The following CASZ1 variants were observed in gnomAD, a reference collection of about 807,000 sequenced individuals.
The protein encoded by CASZ1 is castor zinc finger 1.
In CASZ1, 28 loss-of-function variants were observed where a neutral mutation model predicts 135.2. That is an observed-to-expected ratio of 0.21 (90% CI 0.15 to 0.28). The LOEUF (loss-of-function observed/expected upper bound fraction) is 0.28. Among genes scored for constraint, CASZ1 ranks in the 10% least tolerant of loss-of-function variants. The pLI is 1.00. For synonymous variants in CASZ1, 1,068 were observed against 1,073.4 expected (o/e 0.99, Z 0.10); for missense variants, 2,161 against 2,453.3 (o/e 0.88, Z 2.52).
intron 18 of CASZ1, among the ~76,000 whole-genome samples, chr1:10,644,669 G>C (rs1007072890): frequency 6.6e-6 from 1 of 152,242 alleles, no homozygotes; most frequent in Non-Finnish European, 1.5e-5. Context: ...GTCCCAGGGC[G>C]GCTGTCTGGG....
intron 4 of CASZ1, among the ~76,000 whole-genome samples, chr1:10,671,142 CCTCA>C (rs1171553423): frequency 1.3e-5 from 2 of 152,296 alleles, no homozygotes; most frequent in East Asian, 3.9e-4. Flanking sequence ...GTCTAAGTGG[CCTCA>C]CTTAGCGTAA....
chr1:10,717,386 T>C lies in CASZ1; in HGVS notation c.-76-11842A>G, dbSNP rs867749284. On this transcript the variant is annotated intron_variant, in intron 2 of 20. Transcript: ENST00000377022. This position sits in a 1 kb window ranked among gnomAD's most constrained non-coding sequence, Gnocchi z 4.6. Reference sequence around the variant, plus strand: ...GTGTTGGTGAGTTGTTGGAGGTTTTTTTTTCTTTTCTTTTCTTTTTTGCTA... The same window carrying C: ...GTGTTGGTGAGTTGTTGGAGGTTTTCTTTTCTTTTCTTTTCTTTTTTGCTA... Among the ~76,000 whole-genome samples the C allele has an allele frequency of 6.6e-6, 1 of 152,172 alleles. No individual in the cohort carries two copies.
At chr1:10,660,729 ATTAAT>A in intron 5 of CASZ1, 193 bp from the exon 6 acceptor site, 2 of 576,808 alleles carry the variant, frequency 3.5e-6, no homozygotes, top group Admixed American at 6.8e-5. Context: ...AAAAAAAGTA[ATTAAT>A]ACTGGGGTAA....
rs943826704 is a variant in CASZ1, at chr1:10,697,887, C to T, written c.-23-3975G>A. Among the ~76,000 whole-genome samples the T allele has an allele frequency of 8.5e-5, 13 of 152,228 alleles. No homozygotes were observed. Among genetic ancestry groups the T allele is most frequent in the African/African-American group, 1.7e-4 (7 of 41,460 alleles). On this transcript the variant is annotated intron_variant, in intron 3 of 20. Transcript: ENST00000377022. This position sits in a 1 kb window ranked among gnomAD's most constrained non-coding sequence, Gnocchi z 4.7. ...ACCTGCGAGGGAGTCCGTGTGTTTG[C>T]GTGTGAGCCCGCTCCGGGGCCGATG... is the stretch of plus-strand genomic sequence containing the variant.
chr1:10,670,562 C>T (rs1268944251), intron 4 of CASZ1, among the ~76,000 whole-genome samples: 1 of 152,248 alleles, frequency 6.6e-6, no homozygotes, highest in Non-Finnish European at 1.5e-5. Context: ...CGTGTACAGA[C>T]CAGACCCTGG....
At position 10,697,512 on chromosome 1, in the gene CASZ1, C is replaced by T. The variant is rs923909286; in HGVS notation, c.-23-3600G>A. On this transcript the variant is annotated intron_variant, in intron 3 of 20. Transcript: ENST00000377022. The surrounding 1 kb of genome is among the most constrained non-coding windows in gnomAD (Gnocchi z 4.7). ...AGTGGAAGGCAACCCAGCGGTTCCCCCCAACCCAGGCTCCCCACATCAGCA... is the reference window on the plus strand; with the variant it reads ...AGTGGAAGGCAACCCAGCGGTTCCCTCCAACCCAGGCTCCCCACATCAGCA... Among the ~76,000 whole-genome samples, 1 of 152,092 alleles carries T rather than the reference C, an allele frequency of 6.6e-6. No homozygotes were observed. The highest frequency in any genetic ancestry group is 1.5e-5 in the Non-Finnish European group (1 of 68,006).
intron 4 of CASZ1, among the ~76,000 whole-genome samples, chr1:10,684,700 C>T (rs1373114637): frequency 6.6e-6 from 1 of 152,250 alleles, no homozygotes; most frequent in Admixed American, 6.5e-5. Context: ...GCTGACCACA[C>T]AGTCTAAGAG....
intron 2 of CASZ1, among the ~76,000 whole-genome samples, chr1:10,713,474 G>C (rs1280956432): frequency 6.6e-6 from 1 of 152,210 alleles, no homozygotes; most frequent in Non-Finnish European, 1.5e-5. Flanking sequence ...AGAGTCAGGA[G>C]GGATGTGAGG....
intron 1 of CASZ1, among the ~76,000 whole-genome samples, chr1:10,791,006 T>C (rs1444000891): frequency 6.6e-6 from 1 of 150,978 alleles, no homozygotes; most frequent in East Asian, 1.9e-4. Context: ...CTACCTTCCC[T>C]AATACTGCCA....
At position 10,727,183 on chromosome 1, in the gene CASZ1, G is replaced by T. The variant is rs561606535; in HGVS notation, c.-76-21639C>A. The stretch of plus-strand genomic sequence containing the variant: ...AGGGAAAAGGGAGAGGTGGCCAGGG[G>T]TAGGGAGAGGCCCGCGACCGTCCCA... On this transcript the variant is annotated intron_variant, in intron 2 of 20. Transcript: ENST00000377022. This position sits in a 1 kb window ranked among gnomAD's most constrained non-coding sequence, Gnocchi z 5.3. 1.1e-3 allele frequency among the ~76,000 whole-genome samples: 173 copies of T among 152,156 alleles called. No individual in the cohort carries two copies. Among genetic ancestry groups the T allele is most frequent in the Non-Finnish European group, 2.1e-3 (145 of 67,990 alleles).
chr1:10,665,912 C>T (rs911129833), intron 4 of CASZ1, among the ~76,000 whole-genome samples: 1 of 152,138 alleles, frequency 6.6e-6, no homozygotes, highest in Non-Finnish European at 1.5e-5. Context: ...CTTGCTGGGC[C>T]CTGGGAGGGG....
intron 2 of CASZ1, among the ~76,000 whole-genome samples, chr1:10,714,349 G>A (rs1039305365): frequency 3.3e-5 from 5 of 152,098 alleles, no homozygotes; most frequent in African/African-American, 1.2e-4. Flanking sequence ...AGGAAAGAAA[G>A]GAAAGAAAGA....
At position 10,660,078 on chromosome 1, in the gene CASZ1, C is replaced by T. The variant is rs139953654; in HGVS notation, c.964G>A (p.Gly322Ser). ...YDFFIQKLKT[G>S]ENLRPQNGST... ...CCGTTCTGGGGCCGCAGATTCTCGC[C>T]GGTCTTCAGTTTTTGGATGAAGAAG... Residue 322 changes from glycine to serine, a missense_variant, in exon 6 of 21, where the codon GGC becomes AGC. Coordinates refer to ENST00000377022, the MANE Select transcript of CASZ1 (RefSeq NM_001079843.3). 608 of 1,614,168 alleles carry T rather than the reference C, an allele frequency of 3.8e-4. No individual in the cohort carries two copies. Among genetic ancestry groups the T allele is most frequent in the Non-Finnish European group, 4.8e-4 (570 of 1,180,014 alleles).
chr1:10,655,582 G>A (rs1464417369), intron 9 of CASZ1, 67 bp downstream of exon 9: 16 of 1,451,988 alleles, frequency 1.1e-5, no homozygotes, highest in Non-Finnish European at 1.5e-5. Context: ...TGGGAGTGGG[G>A]GGCTCAGAGC....
chr1:10,640,190 C>G, intron 20 of CASZ1, 131 bp from the exon 21 acceptor site: 1 of 1,393,230 alleles, frequency 7.2e-7, no homozygotes, highest in African/African-American at 1.4e-5. Flanking sequence ...TCGGCTTCCC[C>G]TGGCTTGGGA....
chr1:10,647,459 A>G lies in CASZ1; in HGVS notation c.3497+342T>C, dbSNP rs1570404240. On this transcript the variant is annotated intron_variant, in intron 16 of 20. Transcript: ENST00000377022. This position sits in a 1 kb window ranked among gnomAD's most constrained non-coding sequence, Gnocchi z 4.9. Reference sequence around the variant, plus strand: ...AGAGGAGGCCAATACGGAGGCTCGGAGGGAGACGCAGCCCTCCTTGTCAGG... The same window carrying G: ...AGAGGAGGCCAATACGGAGGCTCGGGGGGAGACGCAGCCCTCCTTGTCAGG... The G allele has an allele frequency of 8.3e-7, 1 of 1,204,022 alleles. No individual in the cohort carries two copies. The highest frequency in any genetic ancestry group is 1.0e-6 in the Non-Finnish European group (1 of 958,676). The allele number at this position is 1,204,022 out of a possible 1,614,324, so 74.6% of individuals were successfully genotyped here. A position where few individuals can be genotyped will look rare whatever the true frequency, so the allele number is the denominator to read the frequency against.
intron 2 of CASZ1, among the ~76,000 whole-genome samples, chr1:10,740,719 C>T (rs544358298): frequency 1.3e-5 from 2 of 152,162 alleles, no homozygotes; most frequent in Non-Finnish European, 2.9e-5. Flanking sequence ...GATGCCAAGG[C>T]GGGTGGATTG....
Position 10,697,982 on chromosome 1 carries a change from A to T in CASZ1, c.-23-4070T>A, listed in dbSNP as rs1638976415. 1.3e-5 allele frequency among the ~76,000 whole-genome samples: 2 copies of T among 152,236 alleles called. No homozygotes were observed. The highest frequency in any genetic ancestry group is 4.8e-5 in the African/African-American group (2 of 41,468). Reference sequence around the variant, plus strand: ...AAGCATGGGGGCCGAGGGAGGGCAGAGCCAAGGCACCACGGCATGGCCACG... The same window carrying T: ...AAGCATGGGGGCCGAGGGAGGGCAGTGCCAAGGCACCACGGCATGGCCACG... On this transcript the variant is annotated intron_variant, in intron 3 of 20. Coordinates refer to ENST00000377022, the MANE Select transcript of CASZ1 (RefSeq NM_001079843.3). This position sits in a 1 kb window ranked among gnomAD's most constrained non-coding sequence, Gnocchi z 4.7.
In CASZ1 at chr1:10,654,507, C is replaced by T. The variant is rs767859349; in HGVS notation, c.1750G>A (p.Asp584Asn). 8 of 1,614,250 alleles carry T rather than the reference C, an allele frequency of 5.0e-6. No homozygotes were observed. Among genetic ancestry groups the T allele is most frequent in the Non-Finnish European group, 6.8e-6 (8 of 1,180,050 alleles). Residue 584 changes from aspartate to asparagine, a missense_variant, in exon 10 of 21, where the codon GAC (aspartate) becomes AAC (asparagine). Asp to Asn is a conservative substitution (Grantham distance 23). Transcript: ENST00000377022. ...FHKKNTQLIN[D>N]GFQRFRATED... is the part of the protein sequence containing the mutation. ...GTGGCTCGGAAGCGCTGGAAGCCGT[C>T]GTTAATGAGCTGGGTATTCTTCTTG... is the stretch of plus-strand genomic sequence containing the variant.
Sources: allele counts gnomAD v4.1 joint callset (sites outside exome capture counted in the v4.1 genomes callset), GRCh38; gene constraint gnomAD v4.1.1; non-coding constraint Gnocchi (gnomAD v3.1); transcripts MANE v1.5; gene names NCBI Gene and HGNC (gene_info 2026-07-23, HGNC 2026-07-21).